ABCA1: variants seen among roughly 807,000 people sequenced by gnomAD.
The protein encoded by ABCA1 is phospholipid-transporting ATPase ABCA1.
A neutral mutation model predicts 262.5 loss-of-function variants in ABCA1; 133 were observed. The ratio of observed to expected loss-of-function variants is 0.51; its 90% confidence interval spans 0.44 to 0.59. The LOEUF (loss-of-function observed/expected upper bound fraction) is 0.59, where lower values mean the gene tolerates loss of function less well. ABCA1 is among the 20% of genes least tolerant of loss of function. The pLI is 0.00. For missense variants in ABCA1, 2,452 were observed against 2,777.5 expected, an observed-to-expected ratio of 0.88 and a Z score of 2.63; for synonymous variants, 1,022 against 1,043.5, an observed-to-expected ratio of 0.98 and a Z score of 0.40.
intron 16 of ABCA1, 57 bp downstream of exon 16, chr9:104,826,891 G>T: frequency 6.7e-7 from 1 of 1,488,134 alleles, no homozygotes; most frequent in South Asian, 1.1e-5. Flanking sequence ...TTTATTCAGG[G>T]ACTCCAAAGG....
intron 1 of ABCA1, among the ~76,000 whole-genome samples, chr9:104,920,095 A>G (rs1842060874): frequency 6.6e-6 from 1 of 152,224 alleles, no homozygotes; most frequent in Non-Finnish European, 1.5e-5. Flanking sequence ...GTCAAGTAGT[A>G]TCATTTTACA....
chr9:104,798,273 G>T, intron 37 of ABCA1, 148 bp downstream of exon 37: 1 of 930,200 alleles, frequency 1.1e-6, no homozygotes, highest in Non-Finnish European at 1.7e-6. Context: ...TCATGAAAGT[G>T]ATCACCTGCC....
intron 5 of ABCA1, among the ~76,000 whole-genome samples, chr9:104,880,714 C>T (rs1465748988): frequency 2.0e-5 from 3 of 152,050 alleles, no homozygotes; most frequent in Non-Finnish European, 2.9e-5. Context: ...GGACATACTG[C>T]GTGAACAGAG....
intron 6 of ABCA1, 36 bp from the exon 7 acceptor site, chr9:104,858,734 G>A (rs746515472): frequency 3.1e-6 from 5 of 1,610,960 alleles, no homozygotes; most frequent in Non-Finnish European, 4.2e-6. Flanking sequence ...ACAAGCACAA[G>A]AGGATTATGA....
intron 36 of ABCA1, chr9:104,799,439 T>C (rs536962925): frequency 5.2e-4 from 284 of 546,980 alleles, no homozygotes; most frequent in Non-Finnish European, 5.9e-4. Flanking sequence ...CACACACAGC[T>C]TAATTTAGGA....
chr9:104,887,925 C>G (rs1013337507), intron 3 of ABCA1, among the ~76,000 whole-genome samples: 5 of 151,928 alleles, frequency 3.3e-5, no homozygotes, highest in African/African-American at 9.7e-5. Flanking sequence ...CGAGGTTCCA[C>G]CGTGTTGGCC....
At chr9:104,881,475 A>G (rs1273914132) in intron 5 of ABCA1, among the ~76,000 whole-genome samples, 1 of 144,228 alleles carries the variant, frequency 6.9e-6, no homozygotes, top group Non-Finnish European at 1.5e-5. Context: ...TCACCACTCC[A>G]AAAAAAATCA....
chr9:104,817,225 C>G lies in ABCA1; in HGVS notation c.3535+107G>C. ...CACCCAGCCCCAGCCCAGCAGCAAA[C>G]CTTGAGTCAGCGCCACCAGCCTCTG... On this transcript the variant is annotated intron_variant, in intron 24 of 49. Coordinates refer to ENST00000374736, the MANE Select transcript of ABCA1 (RefSeq NM_005502.4). The surrounding 1 kb of genome is among the most constrained non-coding windows in gnomAD (Gnocchi z 4.7). 6.2e-7 allele frequency: 1 copy of G among 1,600,556 alleles called. No individual in the cohort carries two copies. The highest frequency in any genetic ancestry group is 2.3e-5 in the East Asian group (1 of 44,364).
rs539207792 is a variant in ABCA1, at chr9:104,897,760, C to T, written c.66+5854G>A. Among the ~76,000 whole-genome samples, 9 of 152,326 alleles carry T rather than the reference C, an allele frequency of 5.9e-5. No individual in the cohort carries two copies. The East Asian group carries it at 7.7e-4, about 13-fold the overall frequency. On this transcript the variant is annotated intron_variant, in intron 2 of 49. Coordinates refer to ENST00000374736, the MANE Select transcript of ABCA1 (RefSeq NM_005502.4). Reference sequence around the variant, plus strand: ...CTGGGATTACAGGCAAGTGCTACCACGCCTGGCTAATTTTTGTATTTTTAG... The same window carrying T: ...CTGGGATTACAGGCAAGTGCTACCATGCCTGGCTAATTTTTGTATTTTTAG...
At chr9:104,837,165 C>G (rs1833895539) in intron 10 of ABCA1, 69 bp from the exon 11 acceptor site, 1 of 1,336,940 alleles carries the variant, frequency 7.5e-7, no homozygotes, top group Non-Finnish European at 1.1e-6. Flanking sequence ...GCGTTTGGCT[C>G]CTCCCTGAAA....
intron 1 of ABCA1, among the ~76,000 whole-genome samples, chr9:104,905,492 C>A (rs1588564440): frequency 6.6e-6 from 1 of 152,280 alleles, no homozygotes; most frequent in East Asian, 1.9e-4. Flanking sequence ...AATAGTCAAG[C>A]CTTAGGACCT....
intron 5 of ABCA1, among the ~76,000 whole-genome samples, chr9:104,867,990 G>A (rs1386962710): frequency 6.6e-6 from 1 of 152,080 alleles, no homozygotes; most frequent in Non-Finnish European, 1.5e-5. Flanking sequence ...AGCATCACAG[G>A]GTCTGAATTC....
At chr9:104,787,751 C>A in intron 46 of ABCA1, 169 bp downstream of exon 46, 8 of 855,038 alleles carry the variant, frequency 9.4e-6, no homozygotes, top group Non-Finnish European at 1.1e-5. Context: ...GTACAGCCAC[C>A]CCAGTGTGTG....
rs751669145 is a variant in ABCA1, at chr9:104,785,442, C to A, written c.6599G>T (p.Arg2200Leu). The stretch of plus-strand genomic sequence containing the variant: ...AACAGAGTAGTCTTCTATGTGGAGT[C>A]GCTTTTTGCTCTGGGAGAGGATGCT... ...IFSILSQSKK[R>L]LHIEDYSVSQ... is the part of the protein sequence containing the mutation. The change falls in exon 49 of 50, where the codon CGA becomes CTA. Residue 2200 changes from arginine (R) to leucine (L), a missense_variant. Arg to Leu is a moderately radical substitution (Grantham distance 102, BLOSUM62 -2). Coordinates refer to ENST00000374736, the MANE Select transcript of ABCA1 (RefSeq NM_005502.4). The A allele has an allele frequency of 1.2e-6, 2 of 1,613,976 alleles. No individual in the cohort carries two copies. The highest frequency in any genetic ancestry group is 1.3e-5 in the African/African-American group (1 of 75,024).
At chr9:104,842,826 C>A in intron 8 of ABCA1, among the ~76,000 whole-genome samples, 1 of 152,184 alleles carries the variant, frequency 6.6e-6, no homozygotes. Flanking sequence ...CTCCCTCAAG[C>A]CCTCCGCTGG....
intron 40 of ABCA1, 47 bp downstream of exon 40, chr9:104,794,340 A>G (rs1206937017): frequency 1.2e-6 from 2 of 1,613,590 alleles, no homozygotes; most frequent in Non-Finnish European, 1.7e-6. Context: ...AGGCCTATGC[A>G]GAGTGCCATC....
chr9:104,831,899 A>G (rs1833367636), intron 12 of ABCA1, 72 bp from the exon 13 acceptor site: 2 of 1,382,994 alleles, frequency 1.4e-6, no homozygotes, highest in Non-Finnish European at 1.0e-6. Context: ...CAAATCCTAC[A>G]CTAGGAGGCA....
chr9:104,829,890 CA>C (rs909427909), intron 14 of ABCA1, among the ~76,000 whole-genome samples: 1 of 151,186 alleles, frequency 6.6e-6, no homozygotes, highest in Non-Finnish European at 1.5e-5. Flanking sequence ...CTATTCAATG[CA>C]AAACAGAGAA....
intron 28 of ABCA1, among the ~76,000 whole-genome samples, chr9:104,811,551 T>C (rs1564112875): frequency 6.6e-6 from 1 of 152,176 alleles, no homozygotes; most frequent in Admixed American, 6.5e-5. Flanking sequence ...CTTTCTACCA[T>C]ATCTTCTCTG....
Sources: gnomAD v4.1 joint callset for allele counts (sites outside exome capture counted in the v4.1 genomes callset) on GRCh38, gnomAD v4.1.1 for gene constraint, Gnocchi (gnomAD v3.1) non-coding constraint, MANE v1.5 for transcripts, NCBI Gene and HGNC (gene_info 2026-07-23, HGNC 2026-07-21) for gene names.